Variants in MYRIP observed in about 807,000 individuals in gnomAD.
MYRIP encodes the protein myosin VIIA and Rab interacting protein, also known as rab effector MyRIP.
A neutral mutation model predicts 98.0 loss-of-function variants in MYRIP; 49 were observed. The observed-to-expected ratio is 0.50, with a 90% CI of 0.40 to 0.63. The LOEUF (loss-of-function observed/expected upper bound fraction) is 0.63. Among genes scored for constraint, MYRIP ranks in the 30% least tolerant of loss-of-function variants. MYRIP has a pLI of 0.00. For missense variants in MYRIP, 1,004 were observed against 1,058.2 expected (o/e 0.95, Z 0.71); for synonymous variants, 404 against 409.5 (o/e 0.99, Z 0.16).
chr3:39,966,549 G>A, intron 2 of MYRIP, among the ~76,000 whole-genome samples: 1 of 152,058 alleles, frequency 6.6e-6, no homozygotes, highest in East Asian at 1.9e-4. Context: ...CAAAAGTTTT[G>A]TTTAAAAAGG....
intron 12 of MYRIP, among the ~76,000 whole-genome samples, chr3:40,239,031 A>G (rs1470558510): frequency 6.7e-6 from 1 of 148,320 alleles, no homozygotes; most frequent in Non-Finnish European, 1.5e-5. Flanking sequence ...AGCATTAGGT[A>G]TATCTCCCAA....
intron 11 of MYRIP, among the ~76,000 whole-genome samples, chr3:40,210,604 C>T (rs1951900551): frequency 6.6e-6 from 1 of 152,044 alleles, no homozygotes; most frequent in Admixed American, 6.6e-5. Context: ...GTTGTTTTAG[C>T]GTCGGAATCC....
At chr3:39,874,967 G>C (rs1177800943) in intron 1 of MYRIP, among the ~76,000 whole-genome samples, 1 of 152,078 alleles carries the variant, frequency 6.6e-6, no homozygotes, top group African/African-American at 2.4e-5. Context: ...AATCCATCTG[G>C]TCCTGGACTC....
chr3:40,080,916 A>T (rs553113086), intron 3 of MYRIP, among the ~76,000 whole-genome samples: 1 of 149,698 alleles, frequency 6.7e-6, no homozygotes, highest in African/African-American at 2.5e-5. Context: ...TTTTCTCACT[A>T]AATTCTTCTT....
At position 39,845,166 on chromosome 3, in the gene MYRIP, T is replaced by C. The variant is rs75111265; in HGVS notation, c.-31+35250T>C. Among the ~76,000 whole-genome samples the C allele has an allele frequency of 0.022, 3,326 of 152,206 alleles. 169 individuals are homozygous for C. In the East Asian group the frequency reaches 0.23, roughly 10 times the overall value. On this transcript the variant is annotated intron_variant, in intron 1 of 16. Transcript: ENST00000302541. ...CTGGGACAATCCATTAGAGAAATAG[T>C]AGACTCTACTCTGGTGGTTGTGACT...
intron 2 of MYRIP, among the ~76,000 whole-genome samples, chr3:39,959,326 T>C (rs973746417): frequency 1.5e-4 from 23 of 152,202 alleles, no homozygotes; most frequent in African/African-American, 5.3e-4. Flanking sequence ...ATATACACCA[T>C]GGAATACTAT....
intron 12 of MYRIP, among the ~76,000 whole-genome samples, chr3:40,235,713 C>T (rs1237925686): frequency 6.6e-6 from 1 of 152,198 alleles, no homozygotes; most frequent in Non-Finnish European, 1.5e-5. Flanking sequence ...ACTTAGGTAG[C>T]TGGGCTTTCC....
intron 2 of MYRIP, among the ~76,000 whole-genome samples, chr3:39,994,025 A>G (rs1177568457): frequency 1.3e-5 from 2 of 152,242 alleles, no homozygotes; most frequent in East Asian, 3.8e-4. Context: ...CCAGAGGCAC[A>G]GAACTTATAA....
chr3:40,238,990 C>T (rs1952910472), intron 12 of MYRIP, among the ~76,000 whole-genome samples: 2 of 151,624 alleles, frequency 1.3e-5, no homozygotes, highest in East Asian at 1.9e-4. Context: ...ATGTGCCATG[C>T]TGGTGCGCTG....
At chr3:39,890,849 C>T (rs1221623285) in intron 1 of MYRIP, among the ~76,000 whole-genome samples, 1 of 152,056 alleles carries the variant, frequency 6.6e-6, no homozygotes, top group African/African-American at 2.4e-5. Flanking sequence ...TTATTTGAGC[C>T]AGCTGATCAA....
At chr3:39,961,051 A>G (rs896706357) in intron 2 of MYRIP, among the ~76,000 whole-genome samples, 14 of 152,304 alleles carry the variant, frequency 9.2e-5, no homozygotes, top group Admixed American at 5.2e-4. Context: ...CTAAGATACA[A>G]GCATTTCCCT....
intron 1 of MYRIP, among the ~76,000 whole-genome samples, chr3:39,831,611 G>T (rs1941448012): frequency 6.6e-6 from 1 of 151,804 alleles, no homozygotes; most frequent in African/African-American, 2.4e-5. Flanking sequence ...TGTCAATTTA[G>T]ATATAAATTT....
At chr3:40,240,009 T>C (rs1259294466) in intron 12 of MYRIP, among the ~76,000 whole-genome samples, 1 of 125,662 alleles carries the variant, frequency 8.0e-6, no homozygotes, top group Non-Finnish European at 1.7e-5. Context: ...TGGTAATGCC[T>C]AGGTTTTCTT....
chr3:40,000,729 AG>A (rs1490678796), intron 2 of MYRIP, among the ~76,000 whole-genome samples: 5 of 152,172 alleles, frequency 3.3e-5, no homozygotes, highest in Admixed American at 1.3e-4. Context: ...ACTGACATAA[AG>A]CTTCCCCTGT....
chr3:39,830,065 C>T (rs1332603341), intron 1 of MYRIP, among the ~76,000 whole-genome samples: 1 of 152,116 alleles, frequency 6.6e-6, no homozygotes, highest in African/African-American at 2.4e-5. Context: ...ATTTCTAACC[C>T]TCTCTCTCTG....
chr3:39,988,653 A>G (rs1287398404), intron 2 of MYRIP, among the ~76,000 whole-genome samples: 2 of 145,876 alleles, frequency 1.4e-5, no homozygotes, highest in Non-Finnish European at 3.0e-5. Context: ...ACTCCAATCA[A>G]TTGTAGGTTT....
intron 8 of MYRIP, among the ~76,000 whole-genome samples, chr3:40,181,248 C>CT (rs1447898922): frequency 6.6e-6 from 1 of 152,068 alleles, no homozygotes; most frequent in African/African-American, 2.4e-5. Flanking sequence ...CGGCTGACTC[C>CT]TGGGTCCAGC....
chr3:39,883,152 G>T (rs1330562215), intron 1 of MYRIP, among the ~76,000 whole-genome samples: 1 of 152,142 alleles, frequency 6.6e-6, no homozygotes, highest in Non-Finnish European at 1.5e-5. Context: ...GAGATAGGGA[G>T]ATAGGAATTA....
chr3:40,103,550 G>A (rs1185334157), intron 3 of MYRIP, among the ~76,000 whole-genome samples: 1 of 152,224 alleles, frequency 6.6e-6, no homozygotes, highest in Non-Finnish European at 1.5e-5. Context: ...CCTGAGGTCA[G>A]GAGCTCGAGA....
Sources: allele counts gnomAD v4.1 joint callset (sites outside exome capture counted in the v4.1 genomes callset), GRCh38; gene constraint gnomAD v4.1.1; transcripts MANE v1.5; gene names NCBI Gene and HGNC (gene_info 2026-07-23, HGNC 2026-07-21).